The following ROBO1 variants were observed in gnomAD, a reference collection of about 807,000 sequenced individuals.
ROBO1 encodes the protein roundabout guidance receptor 1.
A neutral mutation model predicts 195.9 loss-of-function variants in ROBO1; 149 were observed. The ratio of observed to expected loss-of-function variants is 0.76; its 90% CI spans 0.67 to 0.87. The LOEUF (loss-of-function observed/expected upper bound fraction) is 0.87. ROBO1 is among the 40% of genes least tolerant of loss of function. The pLI is 0.00. For missense variants in ROBO1, 1,933 were observed against 2,068.3 expected (o/e 0.93, Z 1.27); for synonymous variants, 816 against 733.2 (o/e 1.11, Z -1.82).
chr3:79,036,216 CATCTT>C (rs768163684), intron 3 of ROBO1, among the ~76,000 whole-genome samples: 4 of 152,018 alleles, frequency 2.6e-5, no homozygotes, highest in Non-Finnish European at 4.4e-5. Context: ...TTATTTTCCT[CATCTT>C]CTCTTTCTTT....
intron 1 of ROBO1, among the ~76,000 whole-genome samples, chr3:79,737,528 G>A (rs114315927): frequency 4.6e-5 from 7 of 152,046 alleles, no homozygotes; most frequent in African/African-American, 1.7e-4. Flanking sequence ...CAAAAGAAAA[G>A]AATTTCTCTA....
chr3:79,410,613 A>AAAGAAAGG (rs1304891155), intron 2 of ROBO1, among the ~76,000 whole-genome samples: 2 of 148,450 alleles, frequency 1.3e-5, no homozygotes, highest in East Asian at 4.0e-4. Context: ...GAAAGAAAGA[A>AAAGAAAGG]AAGAAAGGAA....
chr3:79,753,814 G>T (rs1704247110), intron 1 of ROBO1, among the ~76,000 whole-genome samples: 1 of 152,154 alleles, frequency 6.6e-6, no homozygotes, highest in African/African-American at 2.4e-5. Flanking sequence ...GGAGAGAATG[G>T]TGTCTTTGAA....
At chr3:79,563,024 A>G (rs1007367033) in intron 2 of ROBO1, among the ~76,000 whole-genome samples, 1 of 152,050 alleles carries the variant, frequency 6.6e-6, no homozygotes, top group African/African-American at 2.4e-5. Flanking sequence ...TATTTCATCA[A>G]TATGTGGTAT....
chr3:79,763,511 A>T (rs1309003892), intron 1 of ROBO1, among the ~76,000 whole-genome samples: 2 of 152,152 alleles, frequency 1.3e-5, no homozygotes, highest in East Asian at 3.9e-4. Flanking sequence ...ACAAATGGAT[A>T]GGGTTTGGCC....
At chr3:79,136,457 A>G (rs1259190942) in intron 2 of ROBO1, among the ~76,000 whole-genome samples, 1 of 152,160 alleles carries the variant, frequency 6.6e-6, no homozygotes, top group East Asian at 1.9e-4. Context: ...GATGACCATT[A>G]ATAAAAGATT....
intron 2 of ROBO1, among the ~76,000 whole-genome samples, chr3:79,498,747 G>T (rs67958433): frequency 0.011 from 1,601 of 151,576 alleles, 24 homozygotes; most frequent in Middle Eastern, 0.041. Flanking sequence ...CCAGCTACTC[G>T]GGAGGCTGAG....
At chr3:79,702,024 C>A (rs373137907) in intron 1 of ROBO1, among the ~76,000 whole-genome samples, 1 of 151,730 alleles carries the variant, frequency 6.6e-6, no homozygotes, top group South Asian at 2.1e-4. Flanking sequence ...TCAGATCACA[C>A]CACTGCTGTT....
In ROBO1 at chr3:79,192,441, G is replaced by C. The variant is rs540423156; in HGVS notation, c.89-66902C>G. ...ATTGTAATAAGTCATACAAGGGGAA[G>C]AAAATTAGGGGTAATTTAGATTGAT... On this transcript the variant is annotated intron_variant, in intron 2 of 30. Transcript: ENST00000464233. Among the ~76,000 whole-genome samples, 3 of 151,746 alleles carry C rather than the reference G, an allele frequency of 2.0e-5. No individual in the cohort carries two copies. In the South Asian group the frequency reaches 6.2e-4, roughly 31 times the overall value.
intron 4 of ROBO1, among the ~76,000 whole-genome samples, chr3:78,925,777 T>C (rs919519453): frequency 3.9e-5 from 6 of 152,130 alleles, no homozygotes; most frequent in African/African-American, 1.4e-4. Flanking sequence ...GGTCCATTTA[T>C]GGTTACCTTT....
intron 2 of ROBO1, among the ~76,000 whole-genome samples, chr3:79,172,655 A>AT (rs531374334): frequency 0.029 from 4,287 of 146,820 alleles, 127 homozygotes; most frequent in African/African-American, 0.083. Flanking sequence ...ATTATTTTCA[A>AT]TTTTTTTTTT....
intron 4 of ROBO1, among the ~76,000 whole-genome samples, chr3:78,865,551 A>C (rs191100499): frequency 1.8e-4 from 27 of 149,960 alleles, no homozygotes; most frequent in Admixed American, 1.7e-3. Flanking sequence ...GGCTCACTGC[A>C]AGCTCCGCCT....
At chr3:79,154,716 A>C (rs1270368058) in intron 2 of ROBO1, among the ~76,000 whole-genome samples, 2 of 151,832 alleles carry the variant, frequency 1.3e-5, no homozygotes, top group Non-Finnish European at 2.9e-5. Context: ...AATGAAAAAA[A>C]AGGCAAGTTT....
intron 2 of ROBO1, among the ~76,000 whole-genome samples, chr3:79,190,461 CTT>C (rs1421013508): frequency 6.6e-5 from 10 of 151,540 alleles, no homozygotes; most frequent in Admixed American, 4.6e-4. Context: ...ATCTCTAAGA[CTT>C]TTTCACAAAT....
intron 4 of ROBO1, among the ~76,000 whole-genome samples, chr3:78,885,305 G>A (rs561986935): frequency 6.6e-6 from 1 of 150,518 alleles, no homozygotes; most frequent in Admixed American, 6.7e-5. Context: ...AATAACTAAT[G>A]GGTACTAGGC....
At chr3:79,389,362 T>G (rs2036866832) in intron 2 of ROBO1, among the ~76,000 whole-genome samples, 1 of 152,008 alleles carries the variant, frequency 6.6e-6, no homozygotes, top group African/African-American at 2.4e-5. Flanking sequence ...ACTTGGTAGG[T>G]TTCTTGTTGT....
intron 2 of ROBO1, among the ~76,000 whole-genome samples, chr3:79,416,779 C>T (rs1290211927): frequency 6.6e-6 from 1 of 152,114 alleles, no homozygotes; most frequent in Admixed American, 6.6e-5. Context: ...GAGGCATCTC[C>T]ATGCCATATT....
intron 2 of ROBO1, among the ~76,000 whole-genome samples, chr3:79,368,821 G>T (rs1031411526): frequency 6.6e-6 from 1 of 151,932 alleles, no homozygotes; most frequent in Non-Finnish European, 1.5e-5. Flanking sequence ...AAATGCAGGC[G>T]GGACCTGCTT....
chr3:78,702,369 G>A (rs2081440447), intron 8 of ROBO1, among the ~76,000 whole-genome samples: 1 of 152,142 alleles, frequency 6.6e-6, no homozygotes, highest in African/African-American at 2.4e-5. Context: ...AGGTAAAGGT[G>A]TTCTTCATGT....
Sources: gnomAD v4.1 joint callset for allele counts (sites outside exome capture counted in the v4.1 genomes callset) on GRCh38, gnomAD v4.1.1 for gene constraint, MANE v1.5 for transcripts, NCBI Gene and HGNC (gene_info 2026-07-23, HGNC 2026-07-21) for gene names.